The following ZNF565 variants were observed in gnomAD, a reference collection of about 807,000 sequenced individuals.
The protein encoded by ZNF565 is zinc finger protein 565.
ZNF565 carries 27 observed loss-of-function variants against 39.4 expected under a neutral mutation model. The observed-to-expected ratio is 0.69, with a 90% CI of 0.51 to 0.95. ZNF565 has a LOEUF of 0.95. Among genes scored for constraint, ZNF565 ranks in the 40% least tolerant of loss-of-function variants. ZNF565 has a pLI of 0.00. For missense variants in ZNF565, 524 were observed against 621.1 expected, an observed-to-expected ratio of 0.84 and a Z score of 1.66; for synonymous variants, 185 against 216.6, an observed-to-expected ratio of 0.85 and a Z score of 1.28.
intron 1 of ZNF565, among the ~76,000 whole-genome samples, chr19:36,242,876 C>T (rs1347925423): frequency 6.6e-6 from 1 of 152,182 alleles, no homozygotes; most frequent in Admixed American, 6.5e-5. Context: ...TGGTCATCTG[C>T]TGATTTTCTT....
intron 2 of ZNF565, among the ~76,000 whole-genome samples, chr19:36,199,845 TG>T (rs1411245454): frequency 1.3e-5 from 2 of 151,798 alleles, no homozygotes; most frequent in Non-Finnish European, 2.9e-5. Flanking sequence ...TTTAAATTTT[TG>T]TTTGTAGAGA....
chr19:36,185,393 GAC>G (rs1377616735), intron 4 of ZNF565, among the ~76,000 whole-genome samples: 6 of 147,146 alleles, frequency 4.1e-5, no homozygotes, highest in Non-Finnish European at 8.9e-5. Flanking sequence ...CAGCCTGGGT[GAC>G]AGAGCGAAAC....
At chr19:36,224,101 G>C (rs965675069) in intron 1 of ZNF565, among the ~76,000 whole-genome samples, 1 of 152,086 alleles carries the variant, frequency 6.6e-6, no homozygotes, top group Non-Finnish European at 1.5e-5. Flanking sequence ...GTCTTACCTG[G>C]CTGGGCACGG....
chr19:36,236,599 T>C (rs781361083), intron 1 of ZNF565: 1 of 1,614,068 alleles, frequency 6.2e-7, no homozygotes, highest in South Asian at 1.1e-5. Context: ...GAAAAGCCTT[T>C]AGCCAAAAGC....
At chr19:36,216,657 A>G (rs1028730008), upstream of ZNF565, among the ~76,000 whole-genome samples, 6 of 151,864 alleles carry the variant, frequency 4.0e-5, no homozygotes, top group Admixed American at 6.6e-5. Flanking sequence ...TTCCGTCTCA[A>G]TAATAGTAAT....
intron 1 of ZNF565, chr19:36,238,705 TG>T (rs1977736649): frequency 6.0e-6 from 1 of 167,092 alleles, no homozygotes; most frequent in Non-Finnish European, 1.5e-5. Context: ...GATGAATGGA[TG>T]GACTTGCTCT....
chr19:36,182,556 A>G lies in ZNF565; in HGVS notation c.1410T>C (p.Pro470=), dbSNP rs1975121766. 1 of 1,613,774 alleles carries G rather than the reference A, an allele frequency of 6.2e-7. No homozygotes were observed. Among genetic ancestry groups the G allele is most frequent in the South Asian group, 1.1e-5 (1 of 91,002 alleles). The change falls in exon 5 of 5, where the codon CCT becomes CCC. Residue 470 remains proline (P), a synonymous_variant. Coordinates refer to ENST00000304116, the MANE Select transcript of ZNF565 (RefSeq NM_152477.5). ...CTCTACATTCGTAAGGTTTGATACC[A>G]GGATGAATTCTCTGATGTTCGGTAA... ...SQLTEHQRIH[P]GIKPYECREC...
At chr19:36,217,713 C>G (rs895577142), upstream of ZNF565, among the ~76,000 whole-genome samples, 2 of 151,846 alleles carry the variant, frequency 1.3e-5, no homozygotes, top group Admixed American at 6.6e-5. Flanking sequence ...GGAGAAACCC[C>G]GTCTCTACTA....
At chr19:36,227,602 CT>C (rs1485365363) in intron 1 of ZNF565, among the ~76,000 whole-genome samples, 1 of 151,974 alleles carries the variant, frequency 6.6e-6, no homozygotes, top group Non-Finnish European at 1.5e-5. Context: ...TGTTGCTTTT[CT>C]TTTTTATGAC....
intron 1 of ZNF565, among the ~76,000 whole-genome samples, chr19:36,244,799 C>A (rs2145481861): frequency 6.8e-6 from 1 of 147,262 alleles, no homozygotes; most frequent in East Asian, 2.0e-4. Flanking sequence ...TGCAGTGAGC[C>A]GAGATCGTGC....
intron 1 of ZNF565, among the ~76,000 whole-genome samples, chr19:36,223,877 C>T (rs1976967127): frequency 1.3e-5 from 2 of 151,924 alleles, no homozygotes; most frequent in South Asian, 4.2e-4. Context: ...GAGATAAGAT[C>T]TCCCTGTGTT....
At chr19:36,216,867 A>ATCCAAGCACTTTAGGTG (rs143459636), upstream of ZNF565, among the ~76,000 whole-genome samples, 173 of 150,910 alleles carry the variant, frequency 1.1e-3, no homozygotes, top group Middle Eastern at 3.4e-3. Context: ...CACACCTGTG[A>ATCCAAGCACTTTAGGTG]GCCAAGGCAG....
At chr19:36,198,963 G>A (rs1975860402) in intron 2 of ZNF565, among the ~76,000 whole-genome samples, 1 of 152,180 alleles carries the variant, frequency 6.6e-6, no homozygotes, top group African/African-American at 2.4e-5. Flanking sequence ...ATAAATGCTT[G>A]AGGGGTTGGA....
At position 36,183,143 on chromosome 19, in the gene ZNF565, CTG is replaced by C; in HGVS notation, c.821_822del (p.Thr274ArgfsTer8). 1 of 1,614,154 alleles carries C rather than the reference CTG, an allele frequency of 6.2e-7. No individual in the cohort carries two copies. Among genetic ancestry groups the C allele is most frequent in the Non-Finnish European group, 8.5e-7 (1 of 1,180,030 alleles). On this transcript the variant is annotated frameshift_variant, in exon 5 of 5. Coordinates refer to ENST00000304116, the MANE Select transcript of ZNF565 (RefSeq NM_152477.5). LOFTEE classifies it high-confidence loss of function. The stretch of plus-strand genomic sequence containing the variant: ...TCTTTACATACGTAGGGTTTCTCGC[CTG>C]TGTGAGTTCTTTGATGCAGAATCAG... ...SQLILHQRTH[T>X]GEKPYVCKDC...
chr19:36,217,996 G>A (rs1231809483), upstream of ZNF565: 1 of 151,980 alleles, frequency 6.6e-6, no homozygotes, highest in African/African-American at 2.4e-5. Flanking sequence ...GTAGAGACGG[G>A]GTTTCACCAT....
chr19:36,224,026 G>C (rs1976970957), intron 1 of ZNF565, among the ~76,000 whole-genome samples: 1 of 152,002 alleles, frequency 6.6e-6, no homozygotes, highest in African/African-American at 2.4e-5. Context: ...TATGCTATCA[G>C]ATATGCATCC....
chr19:36,213,745 T>G (rs1976466653), intron 1 of ZNF565, among the ~76,000 whole-genome samples: 1 of 146,582 alleles, frequency 6.8e-6, no homozygotes, highest in African/African-American at 2.6e-5. Flanking sequence ...TGGGCTCAAG[T>G]GATCCTCCCA....
intron 1 of ZNF565, among the ~76,000 whole-genome samples, chr19:36,229,677 A>C (rs532818502): frequency 1.3e-5 from 2 of 152,292 alleles, no homozygotes; most frequent in East Asian, 1.9e-4. Context: ...TATTATGTAC[A>C]TAAGTTTTTT....
chr19:36,235,565 G>A (rs762321833), intron 1 of ZNF565: 18 of 152,120 alleles, frequency 1.2e-4, no homozygotes, highest in Non-Finnish European at 1.9e-4. Context: ...GTAATATAAA[G>A]GTAAAATGAA....
Sources: gnomAD v4.1 joint callset for allele counts (sites outside exome capture counted in the v4.1 genomes callset) on GRCh38, gnomAD v4.1.1 for gene constraint, MANE v1.5 for transcripts, NCBI Gene and HGNC (gene_info 2026-07-23, HGNC 2026-07-21) for gene names.